Variants in KCNK4 observed in about 807,000 individuals in gnomAD.
The protein encoded by KCNK4 is potassium two pore domain channel subfamily K member 4.
In KCNK4, 22 loss-of-function variants were observed where a neutral mutation model predicts 28.8. The ratio of observed to expected loss-of-function variants is 0.76; its 90% confidence interval spans 0.55 to 1.09. KCNK4 has a LOEUF of 1.09. KCNK4 is among the 50% of genes least tolerant of loss of function. KCNK4 has a pLI of 0.00. For missense variants in KCNK4, 483 were observed against 546.3 expected, an observed-to-expected ratio of 0.88 and a Z score of 1.15; for synonymous variants, 263 against 252.9, an observed-to-expected ratio of 1.04 and a Z score of -0.38.
chr11:64,299,293 T>G, intron 6 of KCNK4, 53 bp from the exon 7 acceptor site: 1 of 1,405,976 alleles, frequency 7.1e-7, no homozygotes, highest in Admixed American at 3.0e-5. Flanking sequence ...TCCCGGGGGG[T>G]CGCGGAGGGG....
intron 2 of KCNK4, among the ~76,000 whole-genome samples, chr11:64,294,662 T>G (rs1295423366): frequency 6.6e-6 from 1 of 152,110 alleles, no homozygotes; most frequent in Non-Finnish European, 1.5e-5. Flanking sequence ...TGTCTATTAT[T>G]TGAAATTGAA....
rs1248064356 is a variant in KCNK4, at chr11:64,293,761, C to T, written c.189+554C>T. Among the ~76,000 whole-genome samples the T allele has an allele frequency of 4.6e-5, 7 of 151,970 alleles. No homozygotes were observed. In the South Asian group the frequency reaches 8.3e-4, roughly 18 times the overall value. On this transcript the variant is annotated intron_variant, in intron 2 of 6. Coordinates refer to ENST00000422670, the MANE Select transcript of KCNK4 (RefSeq NM_033310.3). ...TATTACAGGGATTCATCACCACACC[C>T]GGCTAAATTTTGTGTTTTTAGTAGA...
At position 64,296,989 on chromosome 11, in the gene KCNK4, A is replaced by G. The variant is rs564540590; in HGVS notation, c.301A>G (p.Ile101Val). ...GSAFFFSGTI[I>V]TTIGYGNVAL... is the part of the protein sequence containing the mutation. ...CGCCTTCTTTTTCTCAGGGACCATC[A>G]TCACCACCATCGGTGGGGGAGGGGA... The change falls in exon 3 of 7, where the codon ATC becomes GTC. Residue 101 changes from isoleucine to valine, a missense_variant. By Grantham distance (29) the Ile-to-Val change is conservative. Transcript: ENST00000422670. 1 of 1,537,484 alleles carries G rather than the reference A, an allele frequency of 6.5e-7. No homozygotes were observed. Among genetic ancestry groups the G allele is most frequent in the East Asian group, 2.3e-5 (1 of 44,030 alleles).
chr11:64,296,845 C>G, intron 2 of KCNK4, 33 bp from the exon 3 acceptor site: 1 of 1,498,408 alleles, frequency 6.7e-7, no homozygotes, highest in Non-Finnish European at 8.9e-7. Context: ...GAGGGAAGAA[C>G]TGAAGCTCCT....
At chr11:64,293,352 G>A (rs2034687604) in intron 2 of KCNK4, 145 bp downstream of exon 2, 3 of 905,626 alleles carry the variant, frequency 3.3e-6, no homozygotes, top group South Asian at 2.6e-5. Flanking sequence ...CAGAGGCTGG[G>A]GACCAGGTCT....
intron 2 of KCNK4, among the ~76,000 whole-genome samples, chr11:64,294,025 A>G (rs796790137): frequency 1.3e-5 from 2 of 152,168 alleles, no homozygotes; most frequent in Admixed American, 1.3e-4. Context: ...GCCCAAGAAC[A>G]TGGTGAACAC....
intron 2 of KCNK4, among the ~76,000 whole-genome samples, chr11:64,294,424 A>G (rs1404815842): frequency 6.7e-6 from 1 of 148,578 alleles, no homozygotes; most frequent in Non-Finnish European, 1.5e-5. Flanking sequence ...AGGCTGAGGC[A>G]GGAGAATCGC....
At position 64,299,747 on chromosome 11, in the gene KCNK4, C is replaced by A; in HGVS notation, c.*21C>A. The A allele has an allele frequency of 1.3e-6, 2 of 1,544,502 alleles. No homozygotes were observed. The highest frequency in any genetic ancestry group is 8.7e-7 in the Non-Finnish European group (1 of 1,150,308). On this transcript the variant is annotated 3_prime_UTR_variant, in exon 7 of 7. Transcript: ENST00000422670. ...TGTAGGGGCAGGATCCCTGGCCGGG[C>A]CTCTCAAGGGCTTCGTTTCTGCTCT...
intron 5 of KCNK4, 122 bp from the exon 6 acceptor site, chr11:64,297,988 C>T: frequency 8.5e-7 from 1 of 1,180,636 alleles, no homozygotes; most frequent in South Asian, 1.5e-5. Context: ...CACACTCAAG[C>T]ACATACCCAT....
chr11:64,292,071 C>A, intron 1 of KCNK4: 1 of 1,113,774 alleles, frequency 9.0e-7, no homozygotes, highest in Non-Finnish European at 1.1e-6. Context: ...GGCCGGCACG[C>A]CCATGGGGGC....
chr11:64,299,572 AC>A lies in KCNK4; in HGVS notation c.1030del (p.Leu344TrpfsTer74), dbSNP rs1197159252. On this transcript the variant is annotated frameshift_variant, in exon 7 of 7. Transcript: ENST00000422670. LOFTEE classifies it high-confidence loss of function. ...TASALDYPSENLAFIDESSDT... is the reference protein window; with the variant it reads ...TASALDYPSEXLAFIDESSDT... The stretch of plus-strand genomic sequence containing the variant: ...TCGGCCCTGGATTATCCCAGCGAGA[AC>A]CTGGCCTTCATCGACGAGTCCTCGG... The A allele has an allele frequency of 6.2e-7, 1 of 1,610,196 alleles. No individual in the cohort carries two copies. Among genetic ancestry groups the A allele is most frequent in the Non-Finnish European group, 8.5e-7 (1 of 1,179,002 alleles).
intron 1 of KCNK4, 63 bp from the exon 2 acceptor site, chr11:64,292,879 G>A (rs1277480426): frequency 1.4e-6 from 2 of 1,420,474 alleles, no homozygotes; most frequent in Non-Finnish European, 1.8e-6. Context: ...GTAGGGGATA[G>A]AGGAGGAGGG....
chr11:64,293,509 G>A (rs966780590), intron 2 of KCNK4, among the ~76,000 whole-genome samples: 4 of 151,922 alleles, frequency 2.6e-5, no homozygotes, highest in South Asian at 2.1e-4. Flanking sequence ...ATAGCGCATG[G>A]GCTATGTTAC....
Position 64,292,961 on chromosome 11 carries a change from G to T in KCNK4, c.-58G>T. 1.3e-6 allele frequency: 2 copies of T among 1,488,132 alleles called. No individual in the cohort carries two copies. The highest frequency in any genetic ancestry group is 2.4e-5 in the Admixed American group (1 of 41,928). The allele number at this position is 1,488,132 out of a possible 1,614,324, so 92.2% of individuals were successfully genotyped here. On this transcript the variant is annotated 5_prime_UTR_variant, in exon 2 of 7. Transcript: ENST00000422670. ...CCGCAGTGACGACAGCTCCCCAGGAGCCCCCCGCCCGGCCCCTCCAGGCGG... is the reference window on the plus strand; with the variant it reads ...CCGCAGTGACGACAGCTCCCCAGGATCCCCCCGCCCGGCCCCTCCAGGCGG...
At chr11:64,295,781 C>T (rs958520277) in intron 2 of KCNK4, among the ~76,000 whole-genome samples, 4 of 152,026 alleles carry the variant, frequency 2.6e-5, no homozygotes, top group Non-Finnish European at 5.9e-5. Context: ...GGGTGTTGAG[C>T]AGCCACTTTA....
At chr11:64,293,257 G>C (rs563276649) in intron 2 of KCNK4, 50 bp downstream of exon 2, 7 of 1,396,808 alleles carry the variant, frequency 5.0e-6, no homozygotes, top group South Asian at 1.6e-5. Flanking sequence ...CACCCCTGGC[G>C]CTAGCTGTGT....
rs769522534 is a variant in KCNK4 at position 64,299,353 on chromosome 11, G to A, written c.809G>A (p.Gly270Asp). Residue 270 changes from glycine (G) to aspartate (D), a missense_variant, in exon 7 of 7, where the codon GGC becomes GAC. Gly to Asp is a moderately conservative substitution (Grantham distance 94, BLOSUM62 -1). Transcript: ENST00000422670. ...CTTTCCCTCTCCGTGCAGATGGGCG[G>A]CCTCACGGCTCAGGCTGCCAGCTGG... ...VSRRTRAEMGGLTAQAASWTG... is the reference protein window; with the variant it reads ...VSRRTRAEMGDLTAQAASWTG... The A allele has an allele frequency of 1.9e-6, 3 of 1,556,216 alleles. No individual in the cohort carries two copies. Among genetic ancestry groups the A allele is most frequent in the Non-Finnish European group, 2.6e-6 (3 of 1,153,564 alleles).
chr11:64,298,055 C>T (rs1201102069), intron 5 of KCNK4, 55 bp from the exon 6 acceptor site: 6 of 1,587,882 alleles, frequency 3.8e-6, no homozygotes, highest in Non-Finnish European at 5.1e-6. Flanking sequence ...TGAACCAGAG[C>T]TCACAGGCTT....
intron 2 of KCNK4, among the ~76,000 whole-genome samples, chr11:64,296,438 G>A (rs1350640011): frequency 6.6e-6 from 1 of 151,988 alleles, no homozygotes; most frequent in Non-Finnish European, 1.5e-5. Flanking sequence ...TTACTCAACA[G>A]TCAGTGCTTA....
Sources: allele counts gnomAD v4.1 joint callset (sites outside exome capture counted in the v4.1 genomes callset), GRCh38; gene constraint gnomAD v4.1.1; transcripts MANE v1.5; gene names NCBI Gene and HGNC (gene_info 2026-07-23, HGNC 2026-07-21).